Variants in ABHD3 observed in about 807,000 individuals in gnomAD.
ABHD3 encodes the protein phospholipase ABHD3.
Under a neutral mutation model 48.8 loss-of-function variants are expected in ABHD3, and 46 were observed. That is an observed-to-expected ratio of 0.94 (90% CI 0.74 to 1.20). ABHD3 has a LOEUF of 1.20. Among genes scored for constraint, ABHD3 ranks in the 50% most tolerant of loss-of-function variants. The pLI, the probability that ABHD3 is intolerant of heterozygous loss-of-function variation, is 0.00. For synonymous variants in ABHD3, 192 were observed against 183.7 expected (o/e 1.04, Z -0.36); for missense variants, 490 against 497.8 (o/e 0.98, Z 0.15).
At chr18:21,694,948 A>T (rs940238903) in intron 3 of ABHD3, among the ~76,000 whole-genome samples, 1 of 152,146 alleles carries the variant, frequency 6.6e-6, no homozygotes, top group African/African-American at 2.4e-5. Context: ...GCTGCTAGTC[A>T]TCTCCCAATA....
chr18:21,651,554 T>C lies in ABHD3; in HGVS notation c.*37A>G, dbSNP rs748290994. 3 of 1,611,502 alleles carry C rather than the reference T, an allele frequency of 1.9e-6. No individual in the cohort carries two copies. The highest frequency in any genetic ancestry group is 1.1e-5 in the South Asian group (1 of 90,752). ...GCACTAAGCTGAGCTGCCTTCACAATTGTGGTTCAGACAAAATGCACCCAA... is the reference window on the plus strand; with the variant it reads ...GCACTAAGCTGAGCTGCCTTCACAACTGTGGTTCAGACAAAATGCACCCAA... On this transcript the variant is annotated 3_prime_UTR_variant, in exon 9 of 9. Transcript: ENST00000289119.
intron 4 of ABHD3, among the ~76,000 whole-genome samples, chr18:21,679,349 A>G (rs1426961656): frequency 6.6e-6 from 1 of 152,206 alleles, no homozygotes; most frequent in Non-Finnish European, 1.5e-5. Flanking sequence ...CTCAAAAAAG[A>G]GTAATAAGGA....
rs2039211757 is a variant in ABHD3, at chr18:21,651,092, A to G, written c.*499T>C. ...TTGTCTTTTAAAGTTAGAATACATA[A>G]AAGATTTAGCACGTTGTATTTTATC... On this transcript the variant is annotated 3_prime_UTR_variant, in exon 9 of 9. Transcript: ENST00000289119. 6.6e-6 allele frequency: 1 copy of G among 152,222 alleles called. No individual in the cohort carries two copies. Among genetic ancestry groups the G allele is most frequent in the Admixed American group, 6.5e-5 (1 of 15,278 alleles). 9.4% of individuals were successfully genotyped at this position (152,222 alleles called of 1,614,324 possible).
chr18:21,663,647 A>G (rs982206657), intron 5 of ABHD3: 1 of 1,533,288 alleles, frequency 6.5e-7, no homozygotes, highest in African/African-American at 1.4e-5. Context: ...CCATTTGCCC[A>G]GCAACAAAAC....
At chr18:21,670,911 G>A (rs903850950) in intron 4 of ABHD3, among the ~76,000 whole-genome samples, 1 of 152,226 alleles carries the variant, frequency 6.6e-6, no homozygotes, top group Admixed American at 6.5e-5. Context: ...CTACTTGGGA[G>A]GTTGAGGTGG....
Position 21,651,616 on chromosome 18 carries a change from A to G in ABHD3, c.1205T>C (p.Val402Ala). 1 of 1,614,188 alleles carries G rather than the reference A, an allele frequency of 6.2e-7. No homozygotes were observed. Among genetic ancestry groups the G allele is most frequent in the Non-Finnish European group, 8.5e-7 (1 of 1,180,032 alleles). The stretch of plus-strand genomic sequence containing the variant: ...TTAAGAGAGTTCATGTCCATGCTCA[A>G]CCATGGCTTGCACAAATTGCTTGAA... ...RVFKQFVQAM[V>A]EHGHELS The change falls in exon 9 of 9, where the codon GTT becomes GCT. Residue 402 changes from valine to alanine, a missense_variant. Coordinates refer to ENST00000289119, the MANE Select transcript of ABHD3 (RefSeq NM_138340.5).
In ABHD3 at chr18:21,704,612, G is replaced by A; in HGVS notation, c.54C>T (p.Tyr18=). ...ACCCCACCCGGACTTGGTGTTCCAG[G>A]TAGAGGGAGAGCTCCCGGGACAACA... ...LRMLSRELSL[Y]LEHQVRVGFF... Residue 18 remains tyrosine (Y), a synonymous_variant, in exon 1 of 9, where the codon TAC becomes TAT. Transcript: ENST00000289119. The A allele has an allele frequency of 1.3e-6, 2 of 1,553,864 alleles. No individual in the cohort carries two copies. Among genetic ancestry groups the A allele is most frequent in the Non-Finnish European group, 1.7e-6 (2 of 1,152,568 alleles).
intron 8 of ABHD3, 134 bp from the exon 9 acceptor site, chr18:21,651,897 A>T: frequency 1.4e-6 from 1 of 736,066 alleles, no homozygotes; most frequent in Non-Finnish European, 2.1e-6. Flanking sequence ...TTATATAAAT[A>T]TATGTAATGA....
intron 3 of ABHD3, among the ~76,000 whole-genome samples, chr18:21,697,002 C>G (rs1171709424): frequency 6.6e-6 from 1 of 151,956 alleles, no homozygotes; most frequent in East Asian, 1.9e-4. Flanking sequence ...AGTACATACT[C>G]AATCCACCAG....
chr18:21,659,710 C>T (rs1261237674), intron 5 of ABHD3, among the ~76,000 whole-genome samples: 1 of 151,830 alleles, frequency 6.6e-6, no homozygotes, highest in Non-Finnish European at 1.5e-5. Flanking sequence ...GCTCTGTCAC[C>T]CAGCCTGGAG....
At chr18:21,684,034 C>A (rs1456217841) in intron 3 of ABHD3, 69 bp from the exon 4 acceptor site, 5 of 1,375,116 alleles carry the variant, frequency 3.6e-6, no homozygotes, top group African/African-American at 1.4e-5. Flanking sequence ...ATATTAAAGT[C>A]ATCTTACTGA....
chr18:21,695,090 T>C (rs922667345), intron 3 of ABHD3, among the ~76,000 whole-genome samples: 6 of 152,216 alleles, frequency 3.9e-5, no homozygotes, highest in Middle Eastern at 3.4e-3. Context: ...TGGAGTGCAA[T>C]GGAGCAATCT....
At chr18:21,663,416 A>G (rs2039546848) in intron 5 of ABHD3, among the ~76,000 whole-genome samples, 1 of 151,856 alleles carries the variant, frequency 6.6e-6, no homozygotes. Flanking sequence ...AAAATTCCCG[A>G]TAATAAAAAT....
intron 6 of ABHD3, among the ~76,000 whole-genome samples, chr18:21,657,709 G>C (rs2039390920): frequency 6.6e-6 from 1 of 151,990 alleles, no homozygotes; most frequent in South Asian, 2.1e-4. Context: ...TTTTCAGTAA[G>C]TCATGTGCAA....
intron 4 of ABHD3, among the ~76,000 whole-genome samples, chr18:21,671,942 C>G (rs1404383844): frequency 1.3e-5 from 2 of 152,044 alleles, no homozygotes; most frequent in African/African-American, 4.8e-5. Flanking sequence ...TGGCCAACAA[C>G]AGTAATTTAA....
At chr18:21,679,224 G>C (rs1444185405) in intron 4 of ABHD3, among the ~76,000 whole-genome samples, 1 of 152,168 alleles carries the variant, frequency 6.6e-6, no homozygotes, top group Non-Finnish European at 1.5e-5. Flanking sequence ...AGTTCCTCTA[G>C]TATGAAACAG....
chr18:21,693,450 C>T (rs1490779935), intron 3 of ABHD3, among the ~76,000 whole-genome samples: 4 of 152,170 alleles, frequency 2.6e-5, no homozygotes, highest in Non-Finnish European at 4.4e-5. Context: ...CACTGCCCAG[C>T]ACTACCTAAG....
Position 21,651,706 on chromosome 18 carries a change from TAAG to T in ABHD3, c.1112_1114del (p.Ser371del). ...CTCCAGAAAACCAATATGGCCTCCA[TAAG>T]AAGTAAGGACCAAAGCAACATTAGG... On this transcript the variant is annotated inframe_deletion, in exon 9 of 9. Transcript: ENST00000289119. 1.9e-6 allele frequency: 3 copies of T among 1,610,444 alleles called. No homozygotes were observed. The highest frequency in any genetic ancestry group is 1.7e-6 in the Non-Finnish European group (2 of 1,178,546).
intron 5 of ABHD3, among the ~76,000 whole-genome samples, chr18:21,660,073 C>T (rs1244810807): frequency 6.7e-6 from 1 of 148,318 alleles, no homozygotes; most frequent in Admixed American, 6.8e-5. Flanking sequence ...GTGATCCTCC[C>T]ACCTTACCCT....
Sources: allele counts gnomAD v4.1 joint callset (sites outside exome capture counted in the v4.1 genomes callset), GRCh38; gene constraint gnomAD v4.1.1; transcripts MANE v1.5; gene names NCBI Gene and HGNC (gene_info 2026-07-23, HGNC 2026-07-21).